The following E2F1 variants were observed in gnomAD, a reference collection of about 807,000 sequenced individuals.
E2F1 encodes the protein transcription factor E2F1.
In E2F1, 7 loss-of-function variants were observed where a neutral mutation model predicts 36.9. The ratio of observed to expected loss-of-function variants is 0.19; its 90% CI spans 0.11 to 0.36. The LOEUF is 0.36. Among genes scored for constraint, E2F1 ranks in the 10% least tolerant of loss-of-function variants. E2F1 has a pLI of 1.00. For synonymous variants in E2F1, 261 were observed against 263.1 expected (o/e 0.99, Z 0.08); for missense variants, 406 against 573.6 (o/e 0.71, Z 2.99).
chr20:33,679,874 G>A lies in E2F1; in HGVS notation c.453C>T (p.Val151=), dbSNP rs373698861. 119 of 1,614,214 alleles carry A rather than the reference G, an allele frequency of 7.4e-5. No individual in the cohort carries two copies. Among genetic ancestry groups the A allele is most frequent in the Non-Finnish European group, 9.2e-5 (108 of 1,180,030 alleles). The change falls in exon 3 of 7, where the codon GTC becomes GTT. Residue 151 remains valine (V), a synonymous_variant. Coordinates refer to ENST00000343380, the MANE Select transcript of E2F1 (RefSeq NM_005225.3). The surrounding 1 kb of genome is among the most constrained non-coding windows in gnomAD (Gnocchi z 4.6). ...ELLSHSADGV[V]DLNWAAEVLK... Reference sequence around the variant, plus strand: ...GCACCTCGGCAGCCCAGTTCAGGTCGACGACACCGTCAGCCGAGTGGCTCA... The same window carrying A: ...GCACCTCGGCAGCCCAGTTCAGGTCAACGACACCGTCAGCCGAGTGGCTCA...
intron 1 of E2F1, 36 bp from the exon 2 acceptor site, chr20:33,680,452 A>T: frequency 2.5e-6 from 4 of 1,599,594 alleles, no homozygotes; most frequent in Non-Finnish European, 3.4e-6. Context: ...AGTAACCAGG[A>T]GTGAGGCCAG....
intron 2 of E2F1, 90 bp from the exon 3 acceptor site, chr20:33,680,064 GGAT>G: frequency 8.7e-7 from 1 of 1,152,850 alleles, no homozygotes; most frequent in Non-Finnish European, 1.3e-6. Context: ...CAGGGCAGCA[GGAT>G]GATGGGGGCT....
intron 1 of E2F1, among the ~76,000 whole-genome samples, chr20:33,683,774 A>G (rs548884795): frequency 4.9e-4 from 74 of 151,468 alleles, no homozygotes; most frequent in Middle Eastern, 3.4e-3. Context: ...CCTGTCTCCA[A>G]AAAAAAAATA....
intron 1 of E2F1, among the ~76,000 whole-genome samples, chr20:33,680,620 G>A (rs1007808051): frequency 1.3e-5 from 2 of 152,206 alleles, no homozygotes; most frequent in African/African-American, 4.8e-5. Flanking sequence ...CTTCTCTGGG[G>A]TCTAGCGGTG....
In E2F1 at chr20:33,679,666, G is replaced by T; in HGVS notation, c.572+89C>A. On this transcript the variant is annotated intron_variant, in intron 3 of 6. Transcript: ENST00000343380. The surrounding 1 kb of genome is among the most constrained non-coding windows in gnomAD (Gnocchi z 4.6). ...CCCGTTTCCCCAGCTATAAGATGGG[G>T]ATGCAGGCAGCCACAGTGGGTATTA... 1 of 1,222,912 alleles carries T rather than the reference G, an allele frequency of 8.2e-7. No individual in the cohort carries two copies. Among genetic ancestry groups the T allele is most frequent in the Non-Finnish European group, 1.2e-6 (1 of 828,384 alleles). 75.8% of individuals were successfully genotyped at this position (1,222,912 alleles called of 1,614,324 possible). A position where few individuals can be genotyped will look rare whatever the true frequency, so the allele number is the denominator to read the frequency against.
chr20:33,680,509 A>G (rs964374746), intron 1 of E2F1, 93 bp from the exon 2 acceptor site: 4 of 1,079,318 alleles, frequency 3.7e-6, no homozygotes, highest in Admixed American at 4.3e-5. Context: ...CCCTCGCCTC[A>G]GTTTCTCTAG....
In E2F1 at chr20:33,679,698, G is replaced by A. The variant is rs990380127; in HGVS notation, c.572+57C>T. The A allele has an allele frequency of 1.4e-5, 22 of 1,539,620 alleles. No homozygotes were observed. Among genetic ancestry groups the A allele is most frequent in the Non-Finnish European group, 1.8e-5 (20 of 1,114,212 alleles). ...GCAGCCACAGTGGGTATTACTACCA[G>A]CTCCTCCAGGCTGGCATGGGCAGGT... On this transcript the variant is annotated intron_variant, in intron 3 of 6. Transcript: ENST00000343380. The surrounding 1 kb of genome is among the most constrained non-coding windows in gnomAD (Gnocchi z 4.6).
intron 1 of E2F1, among the ~76,000 whole-genome samples, chr20:33,681,002 C>T (rs932903838): frequency 2.6e-5 from 4 of 152,166 alleles, no homozygotes; most frequent in African/African-American, 7.2e-5. Context: ...TCCTGACCCA[C>T]AAAAACTATA....
intron 1 of E2F1, among the ~76,000 whole-genome samples, chr20:33,681,857 C>T (rs984260161): frequency 6.6e-6 from 1 of 152,148 alleles, no homozygotes; most frequent in Admixed American, 6.5e-5. Context: ...ACAAACCTTA[C>T]CATGCCGCCG....
chr20:33,680,993 C>G (rs910722926), intron 1 of E2F1, among the ~76,000 whole-genome samples: 1 of 152,202 alleles, frequency 6.6e-6, no homozygotes, highest in Non-Finnish European at 1.5e-5. Flanking sequence ...TCCCTGAATT[C>G]CTGACCCACA....
intron 1 of E2F1, among the ~76,000 whole-genome samples, chr20:33,683,478 GAGTTA>G (rs2018036126): frequency 6.9e-6 from 1 of 144,080 alleles, no homozygotes; most frequent in Non-Finnish European, 1.5e-5. Flanking sequence ...AAAGAGTTAA[GAGTTA>G]AGTTTTCAGC....
In E2F1 at chr20:33,678,184, G is replaced by A. The variant is rs764309535; in HGVS notation, c.725+17C>T. ...GCTAAGCCTGCCTTCCACACCCTAC[G>A]GCCAATCCAAGGATATCGCTGGCTG... is the stretch of plus-strand genomic sequence containing the variant. On this transcript the variant is annotated intron_variant, in intron 4 of 6. Transcript: ENST00000343380. 73 of 1,606,176 alleles carry A rather than the reference G, an allele frequency of 4.5e-5. No homozygotes were observed. The highest frequency in any genetic ancestry group is 2.2e-4 in the East Asian group (10 of 44,734).
intron 2 of E2F1, 104 bp downstream of exon 2, chr20:33,680,222 A>T (rs778172172): frequency 9.2e-5 from 121 of 1,317,212 alleles, no homozygotes; most frequent in Non-Finnish European, 1.2e-4. Context: ...GGCCTGGCTC[A>T]AGCCCGACAA....
At chr20:33,685,434 C>T (rs1176463163) in intron 1 of E2F1, among the ~76,000 whole-genome samples, 3 of 152,116 alleles carry the variant, frequency 2.0e-5, no homozygotes, top group Non-Finnish European at 2.9e-5. Flanking sequence ...TCCTCAATGG[C>T]TCACCAACGG....
Position 33,678,328 on chromosome 20 carries a change from C to T in E2F1, c.598G>A (p.Gly200Ser), listed in dbSNP as rs35385772. The change falls in exon 4 of 7, where the codon GGC (glycine) becomes AGC (serine). Residue 200 changes from glycine to serine, a missense_variant. Coordinates refer to ENST00000343380, the MANE Select transcript of E2F1 (RefSeq NM_005225.3). ...WLGSHTTVGV[G>S]GRLEGLTQDL... is the part of the protein sequence containing the mutation. Reference sequence around the variant, plus strand: ...TGGGTCAACCCCTCAAGCCGTCCGCCGACGCCCACTGTGGTGTGGCTGCCC... The same window carrying T: ...TGGGTCAACCCCTCAAGCCGTCCGCTGACGCCCACTGTGGTGTGGCTGCCC... 0.025 allele frequency: 40,969 copies of T among 1,612,394 alleles called. 640 individuals carry two copies. Among genetic ancestry groups the T allele is most frequent in the Non-Finnish European group, 0.028 (33,448 of 1,179,982 alleles).
At chr20:33,680,907 C>G (rs2018011134) in intron 1 of E2F1, among the ~76,000 whole-genome samples, 1 of 152,212 alleles carries the variant, frequency 6.6e-6, no homozygotes, top group Non-Finnish European at 1.5e-5. Flanking sequence ...AACACTTAGT[C>G]ACAACTTCTG....
chr20:33,679,691 A>C lies in E2F1; in HGVS notation c.572+64T>G, dbSNP rs930002693. The C allele has an allele frequency of 2.0e-6, 3 of 1,492,574 alleles. No homozygotes were observed. Among genetic ancestry groups the C allele is most frequent in the Non-Finnish European group, 2.8e-6 (3 of 1,071,224 alleles). 92.5% of individuals were successfully genotyped at this position (1,492,574 alleles called of 1,614,324 possible). A position where few individuals can be genotyped will look rare whatever the true frequency, so the allele number is the denominator to read the frequency against. On this transcript the variant is annotated intron_variant, in intron 3 of 6. Coordinates refer to ENST00000343380, the MANE Select transcript of E2F1 (RefSeq NM_005225.3). This position sits in a 1 kb window ranked among gnomAD's most constrained non-coding sequence, Gnocchi z 4.6. Reference sequence around the variant, plus strand: ...GATGCAGGCAGCCACAGTGGGTATTACTACCAGCTCCTCCAGGCTGGCATG... The same window carrying C: ...GATGCAGGCAGCCACAGTGGGTATTCCTACCAGCTCCTCCAGGCTGGCATG...
chr20:33,683,217 G>A (rs375351240), intron 1 of E2F1, among the ~76,000 whole-genome samples: 54 of 152,254 alleles, frequency 3.5e-4, no homozygotes, highest in African/African-American at 1.2e-3. Flanking sequence ...TTGGGAGGCC[G>A]AGGCGGGCAG....
In E2F1 at chr20:33,675,582, G is replaced by A. The variant is rs764974197; in HGVS notation, c.*1150C>T. On this transcript the variant is annotated 3_prime_UTR_variant, in exon 7 of 7. Coordinates refer to ENST00000343380, the MANE Select transcript of E2F1 (RefSeq NM_005225.3). The stretch of plus-strand genomic sequence containing the variant: ...AGTTATGAGGCTCAAATCAAATCGG[G>A]CACGGACAGGGAGAAGGGAAGTGGA... The A allele has an allele frequency of 6.4e-6, 1 of 155,612 alleles. No individual in the cohort carries two copies. Among genetic ancestry groups the A allele is most frequent in the Non-Finnish European group, 1.4e-5 (1 of 70,094 alleles). 9.6% of individuals were successfully genotyped at this position (155,612 alleles called of 1,614,324 possible). A position where few individuals can be genotyped will look rare whatever the true frequency, so the allele number is the denominator to read the frequency against.
Sources: allele counts gnomAD v4.1 joint callset (sites outside exome capture counted in the v4.1 genomes callset), GRCh38; gene constraint gnomAD v4.1.1; non-coding constraint Gnocchi (gnomAD v3.1); transcripts MANE v1.5; gene names NCBI Gene and HGNC (gene_info 2026-07-23, HGNC 2026-07-21).